The following SHANK2 variants were observed in gnomAD, a reference collection of about 807,000 sequenced individuals.
SHANK2 encodes the protein SH3 and multiple ankyrin repeat domains 2.
In SHANK2, 43 loss-of-function variants were observed where a neutral mutation model predicts 133.7. The ratio of observed to expected loss-of-function variants is 0.32; its 90% CI spans 0.25 to 0.41. The LOEUF (loss-of-function observed/expected upper bound fraction) is 0.41. SHANK2 is among the 10% of genes least tolerant of loss of function. The pLI is 1.00. For missense variants in SHANK2, 1,994 were observed against 2,235.8 expected, an observed-to-expected ratio of 0.89 and a Z score of 2.18; for synonymous variants, 1,017 against 952.8, an observed-to-expected ratio of 1.07 and a Z score of -1.24.
chr11:71,171,394 C>T (rs1368290400), intron 2 of SHANK2, among the ~76,000 whole-genome samples: 1 of 152,180 alleles, frequency 6.6e-6, no homozygotes, highest in African/African-American at 2.4e-5. Context: ...CGAGGGGAAG[C>T]GGCTGCCTGG....
At chr11:71,056,383 C>T (rs1295910274) in intron 10 of SHANK2, 98 bp downstream of exon 10, 2 of 152,184 alleles carry the variant, frequency 1.3e-5, no homozygotes, top group East Asian at 1.9e-4. Context: ...CAAAACGAGC[C>T]GACCTCATGT....
intron 22 of SHANK2, among the ~76,000 whole-genome samples, chr11:70,491,426 G>A (rs2058885509): frequency 6.6e-6 from 1 of 152,252 alleles, no homozygotes; most frequent in African/African-American, 2.4e-5. Flanking sequence ...GGCAGGGCCT[G>A]GAGGGGAAGT....
chr11:71,099,783 T>A (rs1951687459), intron 6 of SHANK2, among the ~76,000 whole-genome samples: 1 of 152,208 alleles, frequency 6.6e-6, no homozygotes, highest in South Asian at 2.1e-4. Context: ...CTGTGTTCAG[T>A]GGCTCATGTC....
chr11:70,486,769 G>A lies in SHANK2; in HGVS notation c.3524C>T (p.Ser1175Phe). The stretch of plus-strand genomic sequence containing the variant: ...CTCGGGCCCCTGGGCTTTGGACGTG[G>A]AATTCAGCGGCCTCCCAGCCTCACC... ...APGEAGRPLN[S>F]TSKAQGPESS... is the part of the protein sequence containing the mutation. The change falls in exon 25 of 26, where the codon TCC becomes TTC. Residue 1175 changes from serine (S) to phenylalanine (F), a missense_variant. Coordinates refer to ENST00000601538, the MANE Select transcript of SHANK2 (RefSeq NM_012309.5). The surrounding 1 kb of genome is among the most constrained non-coding windows in gnomAD (Gnocchi z 8.0). The A allele has an allele frequency of 1.9e-6, 3 of 1,611,438 alleles. No homozygotes were observed. Among genetic ancestry groups the A allele is most frequent in the Non-Finnish European group, 1.7e-6 (2 of 1,179,934 alleles).
At position 70,930,988 on chromosome 11, in the gene SHANK2, G is replaced by A. The variant is rs533037936; in HGVS notation, c.1108-34421C>T. On this transcript the variant is annotated intron_variant, in intron 10 of 25. Coordinates refer to ENST00000601538, the MANE Select transcript of SHANK2 (RefSeq NM_012309.5). ...ACCCACAAATGCATTTTCTGGGTAC[G>A]GCTACAGAAGCCATCAATGGATAAA... Among the ~76,000 whole-genome samples the A allele has an allele frequency of 3.9e-4, 59 of 152,124 alleles. 1 individual carries two copies. Among genetic ancestry groups the A allele is most frequent in the African/African-American group, 8.2e-4 (34 of 41,494 alleles).
In SHANK2 at chr11:70,486,173, T is replaced by G. The variant is rs782742766; in HGVS notation, c.4120A>C (p.Thr1374Pro). ...TCCATGGAGCCCACCGCGACGATGG[T>G]TCTGCCGGGCACGGTGGTGGGCTCG... The part of the protein sequence containing the change: ...APEPTTVPGR[T>P]IVAVGSMEEA... Residue 1374 changes from threonine (T) to proline (P), a missense_variant, in exon 25 of 26, where the codon ACC becomes CCC. Physicochemically the swap from Thr to Pro is conservative, Grantham distance 38. Coordinates refer to ENST00000601538, the MANE Select transcript of SHANK2 (RefSeq NM_012309.5). This position sits in a 1 kb window ranked among gnomAD's most constrained non-coding sequence, Gnocchi z 8.0. 3.1e-6 allele frequency: 5 copies of G among 1,613,468 alleles called. No individual in the cohort carries two copies. In the African/African-American group the frequency reaches 6.7e-5, roughly 22 times the overall value.
intron 8 of SHANK2, among the ~76,000 whole-genome samples, chr11:71,077,045 A>G (rs1951230168): frequency 1.3e-5 from 2 of 152,130 alleles, no homozygotes; most frequent in Non-Finnish European, 2.9e-5. Context: ...GACATGCACA[A>G]AGCCAAGATG....
At chr11:70,693,198 C>T (rs1945326051) in intron 15 of SHANK2, among the ~76,000 whole-genome samples, 1 of 152,198 alleles carries the variant, frequency 6.6e-6, no homozygotes, top group Non-Finnish European at 1.5e-5. Context: ...GGTTTCCATC[C>T]ATCCTGCCAT....
At chr11:70,815,188 AC>A (rs1948365740) in intron 12 of SHANK2, among the ~76,000 whole-genome samples, 1 of 55,862 alleles carries the variant, frequency 1.8e-5, no homozygotes, top group Non-Finnish European at 3.3e-5. Flanking sequence ...ACACACACAC[AC>A]ACACACACAC....
At chr11:70,797,832 T>TACACATAC (rs1555049501) in intron 14 of SHANK2, among the ~76,000 whole-genome samples, 2 of 141,944 alleles carry the variant, frequency 1.4e-5, no homozygotes, top group African/African-American at 5.3e-5. Context: ...TCCACTCTCA[T>TACACATAC]ACACACACAC....
chr11:70,944,125 G>A (rs1310073957), intron 10 of SHANK2, among the ~76,000 whole-genome samples: 11 of 152,326 alleles, frequency 7.2e-5, no homozygotes, highest in African/African-American at 1.9e-4. Context: ...TAACAGCTAC[G>A]TTTTGAAATC....
intron 21 of SHANK2, chr11:70,496,967 A>G (rs1318463617): frequency 4.4e-6 from 2 of 456,568 alleles, no homozygotes; most frequent in African/African-American, 4.0e-5. Flanking sequence ...TTGCCTGTGG[A>G]CATCTGGTCT....
intron 8 of SHANK2, among the ~76,000 whole-genome samples, chr11:71,092,049 G>A (rs1449234573): frequency 6.6e-6 from 1 of 152,092 alleles, no homozygotes; most frequent in Non-Finnish European, 1.5e-5. Context: ...AGAAAACACC[G>A]GTGCTTTCTG....
At chr11:70,683,590 A>G (rs1167699781) in intron 15 of SHANK2, among the ~76,000 whole-genome samples, 1 of 152,192 alleles carries the variant, frequency 6.6e-6, no homozygotes, top group Non-Finnish European at 1.5e-5. Flanking sequence ...GAGGTGCAGT[A>G]TCAGCATGAC....
rs782438496 is a variant in SHANK2, at chr11:70,500,585, C to G, written c.2293G>C (p.Val765Leu). The G allele has an allele frequency of 5.6e-6, 9 of 1,603,026 alleles. No homozygotes were observed. In the South Asian group the frequency reaches 9.0e-5, roughly 16 times the overall value. Residue 765 changes from valine (V) to leucine (L), a missense_variant, in exon 21 of 26, where the codon GTC (valine) becomes CTC (leucine). This residue lies in a region of SHANK2 where 488 missense variants were observed against 642.6 expected (regional missense o/e 0.76). Transcript: ENST00000601538. The surrounding 1 kb of genome is among the most constrained non-coding windows in gnomAD (Gnocchi z 4.5). ...CCTCCCTTACCCTTCTTCTTCCGGA[C>G]CGAGGCTTGCAAACAGAAAGGGGAC... ...ELEELVDKASVRKKKDKPEEI... is the reference protein window; with the variant it reads ...ELEELVDKASLRKKKDKPEEI...
intron 15 of SHANK2, among the ~76,000 whole-genome samples, chr11:70,678,693 C>A (rs1216140393): frequency 6.6e-6 from 1 of 151,932 alleles, no homozygotes; most frequent in Admixed American, 6.6e-5. Flanking sequence ...TAGGTGTGCA[C>A]CACCACACCC....
At chr11:71,117,065 G>A (rs1555100511) in intron 4 of SHANK2, among the ~76,000 whole-genome samples, 2 of 152,160 alleles carry the variant, frequency 1.3e-5, no homozygotes, top group African/African-American at 4.8e-5. Flanking sequence ...TGTCGCCCAG[G>A]CTGGAGTGCA....
At position 70,539,535 on chromosome 11, in the gene SHANK2, C is replaced by CGCCACGCTCACCACGCTCACTT. The variant is rs1554974804; in HGVS notation, c.2062-36605_2062-36604insAAGTGAGCGTGGTGAGCGTGGC. On this transcript the variant is annotated intron_variant, in intron 17 of 25. Transcript: ENST00000601538. Reference sequence around the variant, plus strand: ...ACTCGCCACGCTCACCACGCTCACTCGCCACGCTCACTCACCATACTCACC... The same window carrying CGCCACGCTCACCACGCTCACTT: ...ACTCGCCACGCTCACCACGCTCACTCGCCACGCTCACCACGCTCACTTGCCACGCTCACTCACCATACTCACC... Among the ~76,000 whole-genome samples the CGCCACGCTCACCACGCTCACTT allele has an allele frequency of 6.7e-5, 7 of 103,804 alleles. No individual in the cohort carries two copies. In the East Asian group the frequency reaches 2.6e-3, roughly 38 times the overall value. 68.1% of individuals were successfully genotyped at this position (103,804 alleles called of 152,430 possible). A position where few individuals can be genotyped will look rare whatever the true frequency, so the allele number is the denominator to read the frequency against.
intron 1 of SHANK2, among the ~76,000 whole-genome samples, chr11:71,246,886 T>A (rs1954967971): frequency 6.6e-6 from 1 of 152,170 alleles, no homozygotes; most frequent in Admixed American, 6.5e-5. Flanking sequence ...GCTCCCCTTT[T>A]CCATTTCTAA....
Sources: allele counts gnomAD v4.1 joint callset (sites outside exome capture counted in the v4.1 genomes callset), GRCh38; gene constraint gnomAD v4.1.1; regional missense constraint gnomAD v4.1.1; non-coding constraint Gnocchi (gnomAD v3.1); transcripts MANE v1.5; gene names NCBI Gene and HGNC (gene_info 2026-07-23, HGNC 2026-07-21).